The following ZMAT3 variants were observed in gnomAD, a reference collection of about 807,000 sequenced individuals.
ZMAT3 encodes zinc finger matrin-type protein 3.
ZMAT3 carries 17 observed loss-of-function variants against 32.3 expected under a neutral mutation model. That is an observed-to-expected ratio of 0.53 (90% CI 0.36 to 0.79). ZMAT3 has a LOEUF of 0.79. ZMAT3 is among the 30% of genes least tolerant of loss of function. The probability of loss-of-function intolerance (pLI) is 0.00; values close to 1 mark genes in which losing one functional copy is unlikely to be tolerated. For synonymous variants in ZMAT3, 120 were observed against 133.1 expected (o/e 0.90, Z 0.68); for missense variants, 329 against 359.7 (o/e 0.91, Z 0.69).
chr3:179,062,760 T>C (rs1442096625), intron 2 of ZMAT3, among the ~76,000 whole-genome samples: 1 of 152,254 alleles, frequency 6.6e-6, no homozygotes, highest in Non-Finnish European at 1.5e-5. Flanking sequence ...TTATTCTTCA[T>C]GAGAATCTTT....
At position 179,023,616 on chromosome 3, in the gene ZMAT3, G is replaced by A. The variant is rs1291420573; in HGVS notation, c.*1401C>T. ...TTATGGTTTAGATCATGATATAAGC[G>A]CATGTTACTATCAATGAAGTAACTC... On this transcript the variant is annotated 3_prime_UTR_variant, in exon 6 of 6. Transcript: ENST00000311417. The A allele has an allele frequency of 1.5e-5, 2 of 136,912 alleles. No homozygotes were observed. Among genetic ancestry groups the A allele is most frequent in the South Asian group, 2.4e-4 (1 of 4,192 alleles). 8.5% of individuals were successfully genotyped at this position (136,912 alleles called of 1,614,324 possible).
chr3:179,066,991 T>C (rs1721447701), intron 2 of ZMAT3, among the ~76,000 whole-genome samples: 1 of 152,208 alleles, frequency 6.6e-6, no homozygotes, highest in African/African-American at 2.4e-5. Flanking sequence ...TGATAGGATA[T>C]ATAAGAGTTA....
At chr3:179,065,160 C>T (rs572606705) in intron 2 of ZMAT3, among the ~76,000 whole-genome samples, 36 of 152,298 alleles carry the variant, frequency 2.4e-4, no homozygotes, top group African/African-American at 8.7e-4. Flanking sequence ...TTTCTGATTA[C>T]TTGCTTGCCT....
chr3:179,053,340 T>C (rs1720671044), intron 2 of ZMAT3, among the ~76,000 whole-genome samples: 2 of 151,508 alleles, frequency 1.3e-5, no homozygotes, highest in Middle Eastern at 3.4e-3. Context: ...CCCAGTAATA[T>C]AAATAACTGA....
chr3:179,033,154 T>C (rs1399864151), intron 2 of ZMAT3, among the ~76,000 whole-genome samples: 2 of 152,262 alleles, frequency 1.3e-5, no homozygotes, highest in Non-Finnish European at 2.9e-5. Flanking sequence ...AAAATTCTTC[T>C]GCCTTGGGCT....
intron 2 of ZMAT3, among the ~76,000 whole-genome samples, chr3:179,063,327 A>G (rs1208855976): frequency 1.3e-5 from 2 of 152,216 alleles, no homozygotes; most frequent in Admixed American, 6.5e-5. Context: ...AAATTTTGGG[A>G]AAAATCTAAT....
chr3:179,028,117 G>A (rs1044203524), intron 3 of ZMAT3, among the ~76,000 whole-genome samples: 6 of 152,150 alleles, frequency 3.9e-5, no homozygotes, highest in Admixed American at 3.9e-4. Context: ...GGTAAAATAG[G>A]TAAGGCCTAA....
At chr3:179,070,600 T>C (rs1397663361) in intron 1 of ZMAT3, among the ~76,000 whole-genome samples, 1 of 152,204 alleles carries the variant, frequency 6.6e-6, no homozygotes, top group Non-Finnish European at 1.5e-5. Context: ...AATGATGGAA[T>C]ACAGAGACCC....
At chr3:179,037,574 C>G (rs1284967190) in intron 2 of ZMAT3, among the ~76,000 whole-genome samples, 1 of 152,152 alleles carries the variant, frequency 6.6e-6, no homozygotes, top group Non-Finnish European at 1.5e-5. Context: ...GCAGAGGACA[C>G]AGCACCCACA....
chr3:179,038,777 C>G (rs1719742851), intron 2 of ZMAT3, among the ~76,000 whole-genome samples: 3 of 152,156 alleles, frequency 2.0e-5, no homozygotes, highest in Non-Finnish European at 4.4e-5. Flanking sequence ...ACCGGGAAGC[C>G]AAGAGGTCAG....
At chr3:179,045,525 T>G (rs1185632843) in intron 2 of ZMAT3, among the ~76,000 whole-genome samples, 1 of 152,012 alleles carries the variant, frequency 6.6e-6, no homozygotes, top group Non-Finnish European at 1.5e-5. Context: ...AAAGAGCAAA[T>G]TGCAAAAGAA....
chr3:179,054,950 T>C lies in ZMAT3; in HGVS notation c.270+12533A>G, dbSNP rs545372146. On this transcript the variant is annotated intron_variant, in intron 2 of 5. Coordinates refer to ENST00000311417, the MANE Select transcript of ZMAT3 (RefSeq NM_022470.4). ...CTCTTCCATGACCCACGGCTTCTAATAGAGCTATAATACTCACCACATGGC... is the reference window on the plus strand; with the variant it reads ...CTCTTCCATGACCCACGGCTTCTAACAGAGCTATAATACTCACCACATGGC... Among the ~76,000 whole-genome samples the C allele has an allele frequency of 2.6e-5, 4 of 152,284 alleles. No homozygotes were observed. In the East Asian group the frequency reaches 7.7e-4, roughly 29 times the overall value.
chr3:179,027,860 T>A, intron 3 of ZMAT3, 48 bp from the exon 4 acceptor site: 1 of 1,552,688 alleles, frequency 6.4e-7, no homozygotes, highest in Non-Finnish European at 8.7e-7. Flanking sequence ...AAATACAGAG[T>A]TTCCTCCTTC....
intron 2 of ZMAT3, among the ~76,000 whole-genome samples, chr3:179,036,247 T>C (rs1196029502): frequency 6.6e-6 from 1 of 152,010 alleles, no homozygotes; most frequent in Non-Finnish European, 1.5e-5. Context: ...TAGAGTCTAG[T>C]AGAGAATGAA....
At chr3:179,031,495 G>T (rs905839663) in intron 2 of ZMAT3, among the ~76,000 whole-genome samples, 2 of 152,046 alleles carry the variant, frequency 1.3e-5, no homozygotes, top group East Asian at 1.9e-4. Context: ...TGCTAGATTT[G>T]ATTGCTAGAT....
chr3:179,021,718 C>A lies in ZMAT3; in HGVS notation c.*3299G>T, dbSNP rs543060925. On this transcript the variant is annotated 3_prime_UTR_variant, in exon 6 of 6. Coordinates refer to ENST00000311417, the MANE Select transcript of ZMAT3 (RefSeq NM_022470.4). ...CAACGAAGATCACATATCACTGACT[C>A]AGAAGAAACAACAGTCTGCTTAAAC... 25 of 152,278 alleles carry A rather than the reference C, an allele frequency of 1.6e-4. No individual in the cohort carries two copies. The highest frequency in any genetic ancestry group is 6.0e-4 in the African/African-American group (25 of 41,550). The allele number at this position is 152,278 out of a possible 1,614,324, so 9.4% of individuals were successfully genotyped here. A position where few individuals can be genotyped will look rare whatever the true frequency, so the allele number is the denominator to read the frequency against.
intron 2 of ZMAT3, among the ~76,000 whole-genome samples, chr3:179,052,802 T>C (rs971475317): frequency 7.2e-5 from 11 of 152,162 alleles, no homozygotes; most frequent in Non-Finnish European, 1.5e-4. Context: ...GGAATACTAC[T>C]CAGCCATAAA....
chr3:179,064,858 T>C (rs1721326603), intron 2 of ZMAT3, among the ~76,000 whole-genome samples: 1 of 151,410 alleles, frequency 6.6e-6, no homozygotes. Flanking sequence ...TCTAGAGTTA[T>C]GTTCACACTC....
chr3:179,053,746 T>C (rs984564777), intron 2 of ZMAT3, among the ~76,000 whole-genome samples: 1 of 152,084 alleles, frequency 6.6e-6, no homozygotes, highest in African/African-American at 2.4e-5. Context: ...CTGAATTTAA[T>C]CAAACATCAA....
Sources: allele counts gnomAD v4.1 joint callset (sites outside exome capture counted in the v4.1 genomes callset), GRCh38; gene constraint gnomAD v4.1.1; transcripts MANE v1.5; gene names NCBI Gene and HGNC (gene_info 2026-07-23, HGNC 2026-07-21).